ATE1: variants seen among roughly 807,000 people sequenced by gnomAD.
ATE1 encodes the protein arginyltransferase 1.
Under a neutral mutation model 70.5 loss-of-function variants are expected in ATE1, and 36 were observed. That is an observed-to-expected ratio of 0.51 (90% CI 0.39 to 0.67). ATE1 has a LOEUF of 0.67. ATE1 is among the 30% of genes least tolerant of loss of function. The pLI is 0.00. For missense variants in ATE1, 593 were observed against 629.5 expected (o/e 0.94, Z 0.62); for synonymous variants, 232 against 219.3 (o/e 1.06, Z -0.51).
intron 5 of ATE1, among the ~76,000 whole-genome samples, chr10:121,905,136 T>C (rs555932104): frequency 6.6e-6 from 1 of 152,274 alleles, no homozygotes; most frequent in South Asian, 2.1e-4. Context: ...TCCCTGTCTG[T>C]ACAAGAAAAA....
At chr10:121,827,015 A>G (rs1275162112) in intron 10 of ATE1, among the ~76,000 whole-genome samples, 1 of 126,838 alleles carries the variant, frequency 7.9e-6, no homozygotes, top group African/African-American at 2.7e-5. Flanking sequence ...TTGATGGGCA[A>G]TAATTTTTTT....
chr10:121,842,173 T>C (rs1048225886), intron 8 of ATE1, among the ~76,000 whole-genome samples: 4 of 152,180 alleles, frequency 2.6e-5, no homozygotes, highest in Non-Finnish European at 4.4e-5. Context: ...TCTTCATTAT[T>C]ATCTTAATTT....
At chr10:121,842,448 T>C (rs1313788264) in intron 8 of ATE1, among the ~76,000 whole-genome samples, 6 of 151,928 alleles carry the variant, frequency 3.9e-5, no homozygotes, top group Non-Finnish European at 7.4e-5. Context: ...CAGAGAATTA[T>C]ATGAATAAAA....
chr10:121,752,865 C>CAA (rs1944645131), intron 11 of ATE1, among the ~76,000 whole-genome samples: 1 of 152,140 alleles, frequency 6.6e-6, no homozygotes, highest in South Asian at 2.1e-4. Context: ...TTATGATTGT[C>CAA]AGTTTCTGCA....
intron 7 of ATE1, among the ~76,000 whole-genome samples, chr10:121,876,259 T>C (rs577219200): frequency 6.6e-6 from 1 of 152,244 alleles, no homozygotes; most frequent in Non-Finnish European, 1.5e-5. Flanking sequence ...AACACTAATA[T>C]GCAGAGCTAG....
At chr10:121,781,996 C>A (rs1174483545) in intron 11 of ATE1, among the ~76,000 whole-genome samples, 5 of 152,182 alleles carry the variant, frequency 3.3e-5, no homozygotes, top group Admixed American at 1.3e-4. Context: ...CAGAACTTCA[C>A]ATACCTTCAG....
At chr10:121,927,194 T>C in intron 1 of ATE1, 11 of 985,396 alleles carry the variant, frequency 1.1e-5, no homozygotes, top group Non-Finnish European at 1.3e-5. Context: ...AAAACAAACT[T>C]GTGGGCTGGC....
Position 121,839,990 on chromosome 10 carries a change from A to G in ATE1, c.1157+1092T>C, listed in dbSNP as rs537094424. Among the ~76,000 whole-genome samples, 97 of 152,350 alleles carry G rather than the reference A, an allele frequency of 6.4e-4. 3 individuals carry two copies. In the South Asian group the frequency reaches 0.019, roughly 30 times the overall value. On this transcript the variant is annotated intron_variant, in intron 9 of 11. Transcript: ENST00000224652. ...GATGAAAAGAGAAAAGTATGACACA[A>G]TAGTAAACAGTGAGAAAAAGAGAGA...
chr10:121,829,505 C>G (rs1429142635), intron 10 of ATE1, among the ~76,000 whole-genome samples: 1 of 151,202 alleles, frequency 6.6e-6, no homozygotes, highest in Non-Finnish European at 1.5e-5. Context: ...GTCAGGAGTT[C>G]AAGACCAGCC....
intron 10 of ATE1, among the ~76,000 whole-genome samples, chr10:121,815,773 A>T (rs1262354911): frequency 1.3e-5 from 2 of 152,220 alleles, no homozygotes; most frequent in African/African-American, 4.8e-5. Flanking sequence ...AATGCCCTAC[A>T]GACTTCGACA....
intron 8 of ATE1, among the ~76,000 whole-genome samples, chr10:121,863,212 T>C (rs1174694515): frequency 3.3e-5 from 5 of 151,708 alleles, no homozygotes; most frequent in Admixed American, 2.0e-4. Context: ...TTTATTGTTA[T>C]GAAATGTCAC....
At chr10:121,865,691 G>C (rs190961757) in intron 8 of ATE1, among the ~76,000 whole-genome samples, 3 of 152,258 alleles carry the variant, frequency 2.0e-5, no homozygotes, top group African/African-American at 4.8e-5. Flanking sequence ...CTGACTTGAC[G>C]AGGTGATAAA....
chr10:121,855,974 G>A (rs1230242022), intron 8 of ATE1, among the ~76,000 whole-genome samples: 1 of 151,516 alleles, frequency 6.6e-6, no homozygotes, highest in Non-Finnish European at 1.5e-5. Flanking sequence ...TACTCGGGAG[G>A]CTGAGGCAGG....
intron 5 of ATE1, 107 bp downstream of exon 5, chr10:121,910,799 C>A (rs1298811763): frequency 4.8e-6 from 7 of 1,456,022 alleles, no homozygotes; most frequent in Non-Finnish European, 6.6e-6. Context: ...GTTTTACAGA[C>A]TGCACGACTA....
chr10:121,773,660 A>G (rs755176676), intron 11 of ATE1, among the ~76,000 whole-genome samples: 12 of 152,176 alleles, frequency 7.9e-5, no homozygotes, highest in Non-Finnish European at 1.2e-4. Flanking sequence ...CTATTATATA[A>G]CAGTAACAGA....
chr10:121,788,839 A>G (rs1489074705), intron 11 of ATE1, among the ~76,000 whole-genome samples: 4 of 152,234 alleles, frequency 2.6e-5, no homozygotes, highest in Non-Finnish European at 5.9e-5. Context: ...GAAGACAAGC[A>G]TGTCAACTTA....
chr10:121,778,480 T>A (rs1945836236), intron 11 of ATE1, among the ~76,000 whole-genome samples: 1 of 151,698 alleles, frequency 6.6e-6, no homozygotes, highest in African/African-American at 2.4e-5. Flanking sequence ...AACCATTTGG[T>A]AAATGAAAAG....
intron 10 of ATE1, among the ~76,000 whole-genome samples, chr10:121,829,692 G>C (rs985515135): frequency 9.3e-5 from 14 of 149,888 alleles, no homozygotes; most frequent in African/African-American, 3.0e-4. Context: ...CTGGGCGACA[G>C]AGCGAGACTC....
chr10:121,888,218 C>T (rs1440554854), intron 7 of ATE1, among the ~76,000 whole-genome samples: 1 of 152,074 alleles, frequency 6.6e-6, no homozygotes, highest in Non-Finnish European at 1.5e-5. Context: ...CACAGTGAAA[C>T]CCTGTCTCTT....
Sources: allele counts gnomAD v4.1 joint callset (sites outside exome capture counted in the v4.1 genomes callset), GRCh38; gene constraint gnomAD v4.1.1; transcripts MANE v1.5; gene names NCBI Gene and HGNC (gene_info 2026-07-23, HGNC 2026-07-21).